SDK1: variants seen among roughly 807,000 people sequenced by gnomAD.
SDK1 encodes protein sidekick-1.
Under a neutral mutation model 245.5 loss-of-function variants are expected in SDK1, and 157 were observed. The observed-to-expected ratio is 0.64, with a 90% confidence interval of 0.56 to 0.73. The LOEUF is 0.73. SDK1 is among the 30% of genes least tolerant of loss of function. The probability of loss-of-function intolerance (pLI) is 0.00; values close to 1 mark genes in which losing one functional copy is unlikely to be tolerated. For synonymous variants in SDK1, 1,647 were observed against 1,278.5 expected, an observed-to-expected ratio of 1.29 and a Z score of -6.15; for missense variants, 3,583 against 3,002.3, an observed-to-expected ratio of 1.19 and a Z score of -4.52.
rs145214387 is a variant in SDK1, at chr7:3,617,658, G to T, written c.299-1422G>T. Among the ~76,000 whole-genome samples, 586 of 152,304 alleles carry T rather than the reference G, an allele frequency of 3.8e-3. 5 individuals are homozygous for T. Among genetic ancestry groups the T allele is most frequent in the African/African-American group, 0.014 (573 of 41,564 alleles). ...CTATATCATCCTGTCATGGAAGTCAGAAGGTCAAGGGAGTGCATGAGACAG... is the reference window on the plus strand; with the variant it reads ...CTATATCATCCTGTCATGGAAGTCATAAGGTCAAGGGAGTGCATGAGACAG... On this transcript the variant is annotated intron_variant, in intron 1 of 44. Transcript: ENST00000404826.
chr7:3,500,317 T>A (rs550806025), intron 1 of SDK1, among the ~76,000 whole-genome samples: 8 of 152,298 alleles, frequency 5.3e-5, no homozygotes, highest in Non-Finnish European at 8.8e-5. Flanking sequence ...GTGGAACATG[T>A]CATCTGGTAT....
chr7:3,775,235 G>A (rs1780519010), intron 4 of SDK1, among the ~76,000 whole-genome samples: 3 of 152,106 alleles, frequency 2.0e-5, no homozygotes, highest in Admixed American at 2.0e-4. Context: ...GCTCCTAATA[G>A]TCTTTCTTCA....
At chr7:4,261,515 TG>T (rs1410087858) in intron 44 of SDK1, among the ~76,000 whole-genome samples, 1 of 152,064 alleles carries the variant, frequency 6.6e-6, no homozygotes, top group Admixed American at 6.6e-5. Flanking sequence ...GGCCCACATC[TG>T]GGGCCACAGC....
At chr7:3,660,331 T>C (rs2128659123) in intron 4 of SDK1, among the ~76,000 whole-genome samples, 1 of 151,556 alleles carries the variant, frequency 6.6e-6, no homozygotes, top group Middle Eastern at 3.4e-3. Flanking sequence ...TTCACCTGAT[T>C]CTACATAAGC....
intron 34 of SDK1, among the ~76,000 whole-genome samples, chr7:4,177,154 C>A (rs1782265804): frequency 6.6e-6 from 1 of 152,220 alleles, no homozygotes; most frequent in Non-Finnish European, 1.5e-5. Context: ...TGGGTGGACC[C>A]TGTAAGCATC....
At chr7:4,193,554 C>G (rs1783365711) in intron 35 of SDK1, among the ~76,000 whole-genome samples, 2 of 151,766 alleles carry the variant, frequency 1.3e-5, no homozygotes, top group African/African-American at 4.8e-5. Flanking sequence ...AAGGTCCTCC[C>G]ACACATCCCC....
chr7:3,438,319 A>G (rs181226217), intron 1 of SDK1, among the ~76,000 whole-genome samples: 11 of 152,368 alleles, frequency 7.2e-5, no homozygotes, highest in African/African-American at 1.7e-4. Context: ...TGTCTCTGCT[A>G]TATCTATCAC....
intron 35 of SDK1, among the ~76,000 whole-genome samples, chr7:4,201,229 C>T (rs892865929): frequency 1.3e-5 from 2 of 152,150 alleles, no homozygotes; most frequent in Non-Finnish European, 2.9e-5. Context: ...GCAGGGTGAT[C>T]CCTTTAAACC....
intron 5 of SDK1, among the ~76,000 whole-genome samples, chr7:3,893,363 G>C (rs1403569034): frequency 6.6e-6 from 1 of 151,974 alleles, no homozygotes; most frequent in Non-Finnish European, 1.5e-5. Flanking sequence ...ATGCCCCCGC[G>C]GTTGGCTTGC....
intron 22 of SDK1, among the ~76,000 whole-genome samples, chr7:4,081,404 G>T (rs1413905308): frequency 6.6e-6 from 1 of 151,932 alleles, no homozygotes; most frequent in Non-Finnish European, 1.5e-5. Flanking sequence ...CTAGCTTTAT[G>T]TCATACAACC....
intron 39 of SDK1, among the ~76,000 whole-genome samples, chr7:4,220,596 TC>T (rs1309318476): frequency 6.6e-6 from 1 of 151,500 alleles, no homozygotes; most frequent in African/African-American, 2.4e-5. Flanking sequence ...TTTAAAGTTT[TC>T]CAGGTCATGG....
At chr7:3,343,710 C>A (rs1780415737) in intron 1 of SDK1, among the ~76,000 whole-genome samples, 1 of 120,688 alleles carries the variant, frequency 8.3e-6, no homozygotes, top group African/African-American at 3.9e-5. Flanking sequence ...CTGTAATTAT[C>A]TCTTAATAAA....
At chr7:3,529,398 G>A (rs191248140) in intron 1 of SDK1, among the ~76,000 whole-genome samples, 1 of 152,212 alleles carries the variant, frequency 6.6e-6, no homozygotes, top group Non-Finnish European at 1.5e-5. Context: ...ATCTGTGCTA[G>A]AAAGTAAGGA....
intron 4 of SDK1, among the ~76,000 whole-genome samples, chr7:3,704,521 T>G (rs571120850): frequency 2.6e-5 from 4 of 152,276 alleles, no homozygotes; most frequent in Non-Finnish European, 5.9e-5. Flanking sequence ...CTTTGTCCAC[T>G]GTTTGATGAT....
At chr7:4,144,734 C>T (rs996864085) in intron 28 of SDK1, among the ~76,000 whole-genome samples, 1 of 152,242 alleles carries the variant, frequency 6.6e-6, no homozygotes, top group Non-Finnish European at 1.5e-5. Context: ...CCCGGCAGCT[C>T]CTCCCCACAG....
intron 4 of SDK1, among the ~76,000 whole-genome samples, chr7:3,734,239 G>A (rs1448293322): frequency 6.6e-6 from 1 of 152,134 alleles, no homozygotes; most frequent in Non-Finnish European, 1.5e-5. Context: ...CCACTGCCAG[G>A]CCTATTAGCA....
intron 4 of SDK1, among the ~76,000 whole-genome samples, chr7:3,818,131 T>C (rs1348477810): frequency 6.6e-6 from 1 of 152,206 alleles, no homozygotes; most frequent in Non-Finnish European, 1.5e-5. Context: ...GTTAAAATGA[T>C]GAGGTTTCAT....
At chr7:4,071,899 C>T (rs1322246577) in intron 20 of SDK1, among the ~76,000 whole-genome samples, 1 of 152,196 alleles carries the variant, frequency 6.6e-6, no homozygotes, top group African/African-American at 2.4e-5. Context: ...TGTGTGTACA[C>T]AGAAGGAATT....
chr7:3,398,339 T>A (rs1293609663), intron 1 of SDK1, among the ~76,000 whole-genome samples: 1 of 152,148 alleles, frequency 6.6e-6, no homozygotes. Flanking sequence ...GGAAACATTC[T>A]ATAATCTTGT....
Sources: allele counts gnomAD v4.1 joint callset (sites outside exome capture counted in the v4.1 genomes callset), GRCh38; gene constraint gnomAD v4.1.1; transcripts MANE v1.5; gene names NCBI Gene and HGNC (gene_info 2026-07-23, HGNC 2026-07-21).